The following C20orf96 variants were observed in gnomAD, a reference collection of about 807,000 sequenced individuals.
The protein encoded by C20orf96 is chromosome 20 open reading frame 96, also known as uncharacterized protein C20orf96.
Under a neutral mutation model 52.6 loss-of-function variants are expected in C20orf96, and 57 were observed. The observed-to-expected ratio is 1.08, with a 90% confidence interval of 0.88 to 1.35. The LOEUF is 1.35. C20orf96 is among the 40% of genes most tolerant of loss of function. C20orf96 has a pLI of 0.00. For missense variants in C20orf96, 478 were observed against 443.6 expected (o/e 1.08, Z -0.70); for synonymous variants, 168 against 157.2 (o/e 1.07, Z -0.51).
At chr20:275,362 G>A (rs975715579) in intron 10 of C20orf96, among the ~76,000 whole-genome samples, 2 of 151,644 alleles carry the variant, frequency 1.3e-5, no homozygotes, top group Non-Finnish European at 2.9e-5. Flanking sequence ...AAGAAATGGC[G>A]ATAGGAGAGG....
chr20:282,977 A>T (rs2012290688), intron 4 of C20orf96, among the ~76,000 whole-genome samples: 1 of 152,314 alleles, frequency 6.6e-6, no homozygotes, highest in Admixed American at 6.5e-5. Flanking sequence ...GGGGAAAAAA[A>T]GGTTTCAAAG....
At chr20:272,114 A>T (rs573686777) in intron 10 of C20orf96, among the ~76,000 whole-genome samples, 63 of 134,660 alleles carry the variant, frequency 4.7e-4, no homozygotes, top group South Asian at 1.5e-3. Flanking sequence ...TAGAAAAAAA[A>T]AAAATTTCTA....
At chr20:288,820 G>T (rs537117897) in intron 3 of C20orf96, among the ~76,000 whole-genome samples, 1 of 152,154 alleles carries the variant, frequency 6.6e-6, no homozygotes, top group African/African-American at 2.4e-5. Context: ...TTCATTTCAG[G>T]ATACCAAAGA....
intron 3 of C20orf96, 36 bp from the exon 4 acceptor site, chr20:284,117 G>A (rs752826651): frequency 6.4e-7 from 1 of 1,573,566 alleles, no homozygotes; most frequent in Non-Finnish European, 8.7e-7. Context: ...GAGAGAGTGA[G>A]GGTCCCGGAA....
intron 4 of C20orf96, among the ~76,000 whole-genome samples, chr20:281,191 A>T (rs2012245594): frequency 6.6e-6 from 1 of 152,328 alleles, no homozygotes; most frequent in African/African-American, 2.4e-5. Context: ...ATACAATTTT[A>T]AAAAATTAAA....
Position 279,314 on chromosome 20 carries a change from C to A in C20orf96, c.323G>T (p.Gly108Val), listed in dbSNP as rs760568622. ...TCGGAGCTCTCGCAGAGCGGCCCTC[C>A]CGCTCCTGAGCGAGGTCTGCGGGCG... ...IWLMKTSLRS[G>V]RAALRELRSR... The change falls in exon 5 of 11, where the codon GGG (glycine) becomes GTG (valine). Residue 108 changes from glycine (G) to valine (V), a missense_variant. Transcript: ENST00000360321. 1 of 1,605,018 alleles carries A rather than the reference C, an allele frequency of 6.2e-7. No individual in the cohort carries two copies. The highest frequency in any genetic ancestry group is 2.2e-5 in the East Asian group (1 of 44,488).
rs1237648367 is a variant in C20orf96, at chr20:288,174, CTTTTTT to C, written c.187+1379_187+1384del. The stretch of plus-strand genomic sequence containing the variant: ...AAATCATTTCTTTCTTTTTCTTTTT[CTTTTTT>C]TTTTTTTTTTTTTTTTTGCCTATGG... On this transcript the variant is annotated intron_variant, in intron 3 of 10. Coordinates refer to ENST00000360321, the MANE Select transcript of C20orf96 (RefSeq NM_153269.3). Among the ~76,000 whole-genome samples, 16 of 66,046 alleles carry C rather than the reference CTTTTTT, an allele frequency of 2.4e-4. No individual in the cohort carries two copies. The South Asian group carries it at 7.6e-3, about 31-fold the overall frequency. 43.3% of individuals were successfully genotyped at this position (66,046 alleles called of 152,430 possible).
chr20:285,384 T>C (rs2012357345), intron 3 of C20orf96, among the ~76,000 whole-genome samples: 1 of 152,228 alleles, frequency 6.6e-6, no homozygotes, highest in African/African-American at 2.4e-5. Context: ...TACTAATCTC[T>C]TTAATAGATC....
intron 10 of C20orf96, among the ~76,000 whole-genome samples, chr20:274,975 T>C (rs1290690942): frequency 1.3e-5 from 2 of 152,156 alleles, no homozygotes; most frequent in African/African-American, 4.8e-5. Context: ...CCCGCCACCA[T>C]GCCCAGCTAG....
chr20:290,065 G>A (rs574412441), intron 2 of C20orf96, among the ~76,000 whole-genome samples, 194 bp downstream of exon 2: 1 of 152,266 alleles, frequency 6.6e-6, no homozygotes, highest in African/African-American at 2.4e-5. Context: ...CTTACATTCT[G>A]ATAAGACAGT....
intron 6 of C20orf96, 33 bp from the exon 7 acceptor site, chr20:277,416 G>A (rs771817880): frequency 6.2e-7 from 1 of 1,610,028 alleles, no homozygotes; most frequent in Admixed American, 1.7e-5. Context: ...AGCAGGGACA[G>A]GAGGCAAGAC....
At chr20:272,593 C>G (rs916083231) in intron 10 of C20orf96, among the ~76,000 whole-genome samples, 1 of 152,104 alleles carries the variant, frequency 6.6e-6, no homozygotes, top group Non-Finnish European at 1.5e-5. Context: ...CAGCCTCAAG[C>G]GATCCTTCTT....
rs142592360 is a variant in C20orf96, at chr20:276,251, G to A, written c.913-165C>T. 2,290 of 985,396 alleles carry A rather than the reference G, an allele frequency of 2.3e-3. 43 individuals carry two copies. In the African/African-American group the frequency reaches 0.035, roughly 15 times the overall value. The allele number at this position is 985,396 out of a possible 1,614,324, so 61.0% of individuals were successfully genotyped here. A position where few individuals can be genotyped will look rare whatever the true frequency, so the allele number is the denominator to read the frequency against. On this transcript the variant is annotated intron_variant, in intron 9 of 10. Coordinates refer to ENST00000360321, the MANE Select transcript of C20orf96 (RefSeq NM_153269.3). Reference sequence around the variant, plus strand: ...GAGGGGACTTCCCCATGCAAGGTGCGGCTGGCTTCCAAGTTAGTGACAATA... The same window carrying A: ...GAGGGGACTTCCCCATGCAAGGTGCAGCTGGCTTCCAAGTTAGTGACAATA...
chr20:275,627 T>G (rs2011992944), intron 10 of C20orf96, among the ~76,000 whole-genome samples: 1 of 152,190 alleles, frequency 6.6e-6, no homozygotes, highest in South Asian at 2.1e-4. Flanking sequence ...TATTCTTCCC[T>G]GAAGCCAACC....
intron 10 of C20orf96, among the ~76,000 whole-genome samples, chr20:273,994 G>T (rs1213881973): frequency 7.4e-6 from 1 of 134,916 alleles, no homozygotes; most frequent in Middle Eastern, 3.6e-3. Flanking sequence ...GACAGAGAGA[G>T]AAAGAAAGAA....
chr20:274,402 G>C (rs1342876420), intron 10 of C20orf96, among the ~76,000 whole-genome samples: 1 of 152,078 alleles, frequency 6.6e-6, no homozygotes. Flanking sequence ...AACCCGAAAG[G>C]ACTCCACTCT....
intron 9 of C20orf96, 156 bp downstream of exon 9, chr20:276,637 G>A: frequency 2.7e-6 from 4 of 1,457,538 alleles, no homozygotes; most frequent in Non-Finnish European, 3.6e-6. Flanking sequence ...TGAAAGACAA[G>A]TGACAGTAAT....
chr20:276,645 A>G (rs1055365264), intron 9 of C20orf96, 148 bp downstream of exon 9: 2 of 1,465,326 alleles, frequency 1.4e-6, no homozygotes, highest in African/African-American at 2.8e-5. Flanking sequence ...AAGTGACAGT[A>G]ATGGCACCGG....
intron 10 of C20orf96, among the ~76,000 whole-genome samples, chr20:272,369 T>C (rs1171883649): frequency 2.6e-5 from 4 of 152,108 alleles, no homozygotes; most frequent in South Asian, 2.1e-4. Flanking sequence ...GGTTTTTGTT[T>C]TGTTTTGTTT....
Sources: gnomAD v4.1 joint callset for allele counts (sites outside exome capture counted in the v4.1 genomes callset) on GRCh38, gnomAD v4.1.1 for gene constraint, MANE v1.5 for transcripts, NCBI Gene and HGNC (gene_info 2026-07-23, HGNC 2026-07-21) for gene names.